RB1: variants seen among roughly 807,000 people sequenced by gnomAD.
The protein encoded by RB1 is retinoblastoma-associated protein.
RB1 carries 18 observed loss-of-function variants against 135.4 expected under a neutral mutation model. The observed-to-expected ratio is 0.13, with a 90% confidence interval of 0.09 to 0.20. RB1 has a LOEUF of 0.20. RB1 is among the 10% of genes least tolerant of loss of function. RB1 has a pLI of 1.00. For missense variants in RB1, 868 were observed against 1,110.0 expected (o/e 0.78, Z 3.10); for synonymous variants, 365 against 373.2 (o/e 0.98, Z 0.25).
intron 2 of RB1, among the ~76,000 whole-genome samples, chr13:48,321,747 T>C (rs1297849826): frequency 1.3e-5 from 2 of 151,998 alleles, no homozygotes; most frequent in Non-Finnish European, 2.9e-5. Flanking sequence ...TCCCAGCTAC[T>C]CTCGAGACTG....
intron 4 of RB1, among the ~76,000 whole-genome samples, chr13:48,346,376 G>A (rs1218231139): frequency 3.9e-4 from 24 of 61,710 alleles, no homozygotes; most frequent in Admixed American, 6.7e-4. Flanking sequence ...ATATATGTGT[G>A]TGTGTGTGTG....
intron 2 of RB1, chr13:48,317,774 C>A: frequency 2.6e-6 from 1 of 380,082 alleles, no homozygotes. Context: ...CTCTCTGCAC[C>A]TCATGGCCCT....
chr13:48,465,650 G>A (rs1949436531), intron 23 of RB1, among the ~76,000 whole-genome samples: 2 of 151,692 alleles, frequency 1.3e-5, no homozygotes, highest in Admixed American at 6.6e-5. Flanking sequence ...GAGGTACCGG[G>A]TTCATCTCAC....
At position 48,476,783 on chromosome 13, in the gene RB1, C is replaced by G. The variant is rs769539980; in HGVS notation, c.2603C>G (p.Pro868Arg). 1.2e-6 allele frequency: 2 copies of G among 1,613,660 alleles called. No homozygotes were observed. Among genetic ancestry groups the G allele is most frequent in the Non-Finnish European group, 1.7e-6 (2 of 1,179,674 alleles). ...VLKRSAEGSN[P>R]PKPLKKLRFD... ...AAAAGAAGTGCTGAAGGAAGCAACC[C>G]TCCTAAACCACTGAAAAAACTACGC... The change falls in exon 25 of 27, where the codon CCT becomes CGT. Residue 868 changes from proline to arginine, a missense_variant. Physicochemically the swap from Pro to Arg is moderately radical, Grantham distance 103. Coordinates refer to ENST00000267163, the MANE Select transcript of RB1 (RefSeq NM_000321.3).
Position 48,477,384 on chromosome 13 carries a change from A to G in RB1, c.2693A>G (p.Gln898Arg). 1 of 1,609,836 alleles carries G rather than the reference A, an allele frequency of 6.2e-7. No homozygotes were observed. Among genetic ancestry groups the G allele is most frequent in the South Asian group, 1.1e-5 (1 of 90,944 alleles). The change falls in exon 26 of 27, where the codon CAG becomes CGG. Residue 898 changes from glutamine to arginine, a missense_variant. Gln to Arg is a conservative substitution (Grantham distance 43, BLOSUM62 1). Transcript: ENST00000267163. Reference sequence around the variant, plus strand: ...CATCTCCCAGGAGAGTCCAAATTTCAGCAGAAACTGGCAGAAATGAGTAAG... The same window carrying G: ...CATCTCCCAGGAGAGTCCAAATTTCGGCAGAAACTGGCAGAAATGAGTAAG... ...SKHLPGESKF[Q>R]QKLAEMTSTR...
In RB1 at chr13:48,319,165, C is replaced by T; in HGVS notation, c.264+11759C>T. On this transcript the variant is annotated intron_variant, in intron 2 of 26. Coordinates refer to ENST00000267163, the MANE Select transcript of RB1 (RefSeq NM_000321.3). This position sits in a 1 kb window ranked among gnomAD's most constrained non-coding sequence, Gnocchi z 5.0. ...GGAGCTTGTGGGGAATGGTCAGCGT[C>T]TAGGCACCCCGGGCAAGGGTCTGTG... The T allele has an allele frequency of 3.3e-6, 2 of 608,324 alleles. No individual in the cohort carries two copies. The highest frequency in any genetic ancestry group is 1.7e-5 in the South Asian group (1 of 60,524). The allele number at this position is 608,324 out of a possible 1,614,324, so 37.7% of individuals were successfully genotyped here.
intron 17 of RB1, chr13:48,422,916 G>A (rs552122770): frequency 6.6e-6 from 1 of 152,304 alleles, no homozygotes; most frequent in South Asian, 2.1e-4. Flanking sequence ...TGAGATGAGA[G>A]GATCACTTGA....
At chr13:48,320,981 C>T (rs1952232227) in intron 2 of RB1, among the ~76,000 whole-genome samples, 1 of 152,222 alleles carries the variant, frequency 6.6e-6, no homozygotes, top group Admixed American at 6.5e-5. Context: ...CCAACGAGCT[C>T]TTGAAATTCT....
chr13:48,394,940 C>T (rs866023784), intron 17 of RB1, among the ~76,000 whole-genome samples: 14 of 152,224 alleles, frequency 9.2e-5, no homozygotes, highest in Admixed American at 2.6e-4. Context: ...GACCCCTGTG[C>T]CTCCTGACTG....
At chr13:48,442,886 A>T (rs916918082) in intron 17 of RB1, among the ~76,000 whole-genome samples, 2 of 152,178 alleles carry the variant, frequency 1.3e-5, no homozygotes, top group African/African-American at 2.4e-5. Context: ...TTAAATATTT[A>T]AAAAAATACC....
At chr13:48,374,143 T>G (rs1952793635) in intron 12 of RB1, among the ~76,000 whole-genome samples, 1 of 152,168 alleles carries the variant, frequency 6.6e-6, no homozygotes, top group Non-Finnish European at 1.5e-5. Context: ...TAACCCATTT[T>G]TATTTACAAT....
In RB1 at chr13:48,465,045, A is replaced by C. The variant is rs1387030828; in HGVS notation, c.2259A>C (p.Ile753=). The C allele has an allele frequency of 6.3e-7, 1 of 1,579,274 alleles. No individual in the cohort carries two copies. Among genetic ancestry groups the C allele is most frequent in the Non-Finnish European group, 8.6e-7 (1 of 1,162,794 alleles). ...AAGAAGAGGAGTATGATTCTATTAT[A>C]GTATTCTATAACTCGGTCTTCATGC... ...LIKEEEYDSI[I]VFYNSVFMQR... Residue 753 remains isoleucine, a synonymous_variant, in exon 22 of 27, where the codon ATA becomes ATC. Coordinates refer to ENST00000267163, the MANE Select transcript of RB1 (RefSeq NM_000321.3).
intron 2 of RB1, among the ~76,000 whole-genome samples, chr13:48,329,244 A>AC (rs1952313609): frequency 6.6e-6 from 1 of 152,188 alleles, no homozygotes. Flanking sequence ...TATTCTAAAA[A>AC]CTATTTTTAA....
intron 6 of RB1, among the ~76,000 whole-genome samples, chr13:48,350,040 A>G (rs1952534475): frequency 6.6e-6 from 1 of 152,188 alleles, no homozygotes; most frequent in Non-Finnish European, 1.5e-5. Flanking sequence ...AGATATATAA[A>G]GCAAATATTA....
chr13:48,343,972 A>AT (rs1335569188), intron 3 of RB1, among the ~76,000 whole-genome samples: 2 of 152,150 alleles, frequency 1.3e-5, no homozygotes, highest in East Asian at 3.9e-4. Flanking sequence ...GGTCCAGCCC[A>AT]TTTTTTTGAG....
intron 2 of RB1, among the ~76,000 whole-genome samples, chr13:48,324,895 A>T: frequency 6.6e-6 from 1 of 150,982 alleles, no homozygotes. Context: ...CTGTTTTAAC[A>T]TAATTATTTG....
chr13:48,392,856 G>C (rs953558725), intron 17 of RB1, among the ~76,000 whole-genome samples: 1 of 151,912 alleles, frequency 6.6e-6, no homozygotes, highest in African/African-American at 2.4e-5. Context: ...GCTTTAGTGG[G>C]TCCTGGATAT....
chr13:48,436,862 T>C (rs1438704013), intron 17 of RB1, among the ~76,000 whole-genome samples: 3 of 152,240 alleles, frequency 2.0e-5, no homozygotes, highest in Non-Finnish European at 4.4e-5. Flanking sequence ...TCCTGTAATG[T>C]AGTTCTAATA....
chr13:48,409,192 A>G lies in RB1; in HGVS notation c.1695+27749A>G, dbSNP rs550671989. 3.8e-4 allele frequency among the ~76,000 whole-genome samples: 52 copies of G among 136,668 alleles called. 1 individual carries two copies. In the South Asian group the frequency reaches 0.011, roughly 29 times the overall value. 89.7% of individuals were successfully genotyped at this position (136,668 alleles called of 152,430 possible). A position where few individuals can be genotyped will look rare whatever the true frequency, so the allele number is the denominator to read the frequency against. ...GAGATAGGATCTTGCTCTGTTGTCC[A>G]TGCTGGAGTACAGTGGTGTGATCAT... On this transcript the variant is annotated intron_variant, in intron 17 of 26. Coordinates refer to ENST00000267163, the MANE Select transcript of RB1 (RefSeq NM_000321.3).
Sources: allele counts gnomAD v4.1 joint callset (sites outside exome capture counted in the v4.1 genomes callset), GRCh38; gene constraint gnomAD v4.1.1; non-coding constraint Gnocchi (gnomAD v3.1); transcripts MANE v1.5; gene names NCBI Gene and HGNC (gene_info 2026-07-23, HGNC 2026-07-21).